TNS1: variants seen among roughly 807,000 people sequenced by gnomAD.
The protein encoded by TNS1 is tensin-1.
In TNS1, 62 loss-of-function variants were observed where a neutral mutation model predicts 168.6. That is an observed-to-expected ratio of 0.37 (90% CI 0.30 to 0.45). TNS1 has a LOEUF of 0.45. Among genes scored for constraint, TNS1 ranks in the 20% least tolerant of loss-of-function variants. TNS1 has a pLI of 1.00. For missense variants in TNS1, 2,240 were observed against 2,339.4 expected, an observed-to-expected ratio of 0.96 and a Z score of 0.88; for synonymous variants, 934 against 933.2, an observed-to-expected ratio of 1.00 and a Z score of -0.02.
rs1203848103 is a variant in TNS1, at chr2:217,800,558, C to T, written c.*3901G>A. The T allele has an allele frequency of 1.3e-5, 2 of 152,364 alleles. No homozygotes were observed. The highest frequency in any genetic ancestry group is 2.4e-5 in the African/African-American group (1 of 41,466). 9.4% of individuals were successfully genotyped at this position (152,364 alleles called of 1,614,324 possible). On this transcript the variant is annotated 3_prime_UTR_variant, in exon 33 of 33. Coordinates refer to ENST00000682258, the MANE Select transcript of TNS1 (RefSeq NM_001387777.1). ...ACACACGCACACACATACATCCACA[C>T]TTGCACATGCGCACACACGTCCTGT...
chr2:217,844,445 C>T (rs1009646442), intron 19 of TNS1, among the ~76,000 whole-genome samples: 1 of 152,152 alleles, frequency 6.6e-6, no homozygotes, highest in African/African-American at 2.4e-5. Context: ...CATCCAGAGA[C>T]AGACCCCAGG....
At chr2:218,015,501 C>T (rs1405322633) in intron 1 of TNS1, among the ~76,000 whole-genome samples, 1 of 152,178 alleles carries the variant, frequency 6.6e-6, no homozygotes, top group South Asian at 2.1e-4. Flanking sequence ...TGATACCTAA[C>T]CTCCATCCCC....
intron 2 of TNS1, among the ~76,000 whole-genome samples, chr2:217,982,817 A>T (rs937086904): frequency 1.3e-5 from 2 of 152,218 alleles, no homozygotes; most frequent in African/African-American, 4.8e-5. Flanking sequence ...GATGCTGGGA[A>T]CCAAGGCCAG....
intron 3 of TNS1, among the ~76,000 whole-genome samples, chr2:217,967,851 A>G (rs1957686023): frequency 6.6e-6 from 1 of 152,238 alleles, no homozygotes; most frequent in South Asian, 2.1e-4. Context: ...AAGGAAAAAG[A>G]AAACTACCGT....
At chr2:217,891,874 CA>C (rs1951778330) in intron 11 of TNS1, among the ~76,000 whole-genome samples, 1 of 152,234 alleles carries the variant, frequency 6.6e-6, no homozygotes, top group Non-Finnish European at 1.5e-5. Flanking sequence ...CCTGGTCACT[CA>C]GGTCTCTGTT....
chr2:217,929,544 G>A (rs545377474), intron 3 of TNS1, among the ~76,000 whole-genome samples: 22 of 152,226 alleles, frequency 1.4e-4, no homozygotes, highest in African/African-American at 5.3e-4. Flanking sequence ...ACCAGCAGGG[G>A]TCAGAGGGCA....
Position 217,818,300 on chromosome 2 carries a change from G to A in TNS1, c.4032C>T (p.Thr1344=). ...GCCGACACAGGCTGGGGCTCCCCGG[G>A]GTGGTCGCTGCACTGCTCTGGGGGC... is the stretch of plus-strand genomic sequence containing the variant. The part of the protein sequence containing the change: ...VSSPQSSAAT[T]PGSPSLCRHP... The change falls in exon 24 of 33, where the codon ACC becomes ACT. Residue 1344 remains threonine, a synonymous_variant. Transcript: ENST00000682258. The A allele has an allele frequency of 6.2e-7, 1 of 1,613,640 alleles. No homozygotes were observed. The highest frequency in any genetic ancestry group is 8.5e-7 in the Non-Finnish European group (1 of 1,179,800).
At chr2:217,927,367 GTCTT>G (rs1956087647) in intron 3 of TNS1, among the ~76,000 whole-genome samples, 1 of 152,154 alleles carries the variant, frequency 6.6e-6, no homozygotes, top group Non-Finnish European at 1.5e-5. Context: ...TGGCACAACG[GTCTT>G]TCTAGGCTTG....
Position 217,813,200 on chromosome 2 carries a change from A to C in TNS1, c.4954+15T>G, listed in dbSNP as rs1559149137. The C allele has an allele frequency of 1.3e-6, 2 of 1,589,006 alleles. No individual in the cohort carries two copies. The highest frequency in any genetic ancestry group is 2.7e-5 in the African/African-American group (2 of 74,492). On this transcript the variant is annotated intron_variant, in intron 27 of 32. Transcript: ENST00000682258. The surrounding 1 kb of genome is among the most constrained non-coding windows in gnomAD (Gnocchi z 4.0). ...CAGGCCAGACTGTAGAGATGGGGGC[A>C]GGGGGACAGCTCACCGAAGTTTGGC...
At chr2:217,916,670 T>C (rs1448580596) in intron 4 of TNS1, among the ~76,000 whole-genome samples, 2 of 152,066 alleles carry the variant, frequency 1.3e-5, no homozygotes, top group Non-Finnish European at 2.9e-5. Context: ...TTGAGTAAGA[T>C]GAAAACATGG....
At chr2:217,913,123 G>C (rs984981119) in intron 4 of TNS1, among the ~76,000 whole-genome samples, 1 of 152,204 alleles carries the variant, frequency 6.6e-6, no homozygotes, top group Admixed American at 6.5e-5. Context: ...TGAGCAGATG[G>C]GGCTGGCAGA....
At chr2:217,919,849 G>C (rs369570900) in intron 4 of TNS1, among the ~76,000 whole-genome samples, 1 of 152,218 alleles carries the variant, frequency 6.6e-6, no homozygotes, top group Non-Finnish European at 1.5e-5. Flanking sequence ...TGCCTGACCC[G>C]GGACCAGGCA....
chr2:217,974,314 CTG>C (rs770839101), intron 3 of TNS1, among the ~76,000 whole-genome samples: 4 of 152,222 alleles, frequency 2.6e-5, no homozygotes, highest in Admixed American at 1.3e-4. Context: ...GCAGCACCCT[CTG>C]TGTCAGAAGA....
chr2:218,007,595 T>C (rs1268623450), upstream of TNS1, among the ~76,000 whole-genome samples: 2 of 150,850 alleles, frequency 1.3e-5, no homozygotes, highest in Non-Finnish European at 3.0e-5. Context: ...AGGTCTTGCT[T>C]GGCAGGAGAG....
rs187953303 is a variant in TNS1, at chr2:217,976,655, C to T, written c.186+2110G>A. On this transcript the variant is annotated intron_variant, in intron 3 of 32. Transcript: ENST00000682258. ...GAGAGACTCCTCAGGTAGGCTATGCCCCCAAAAAGTCATCTTTGCCATTTG... is the reference window on the plus strand; with the variant it reads ...GAGAGACTCCTCAGGTAGGCTATGCTCCCAAAAAGTCATCTTTGCCATTTG... Among the ~76,000 whole-genome samples the T allele has an allele frequency of 2.0e-5, 3 of 152,312 alleles. No individual in the cohort carries two copies. In the East Asian group the frequency reaches 5.8e-4, roughly 29 times the overall value.
intron 4 of TNS1, among the ~76,000 whole-genome samples, chr2:217,917,139 T>C (rs1388683193): frequency 1.3e-5 from 2 of 152,090 alleles, no homozygotes. Flanking sequence ...GTAGCAGAGC[T>C]TCCAGCTGAA....
chr2:217,945,879 A>G (rs888505999), intron 3 of TNS1, among the ~76,000 whole-genome samples: 1 of 152,022 alleles, frequency 6.6e-6, no homozygotes, highest in Non-Finnish European at 1.5e-5. Flanking sequence ...AAGTTAGGGG[A>G]TCCCGGGTCA....
In TNS1 at chr2:217,882,350, A is replaced by C. The variant is rs11680854; in HGVS notation, c.1308T>G (p.Ile436Met). ...EFVFSYGPEK[I>M]QGMEHLENGP... is the part of the protein sequence containing the mutation. ...GAATTCTAACTCGGCTTATACCTTGAATTTTCTCTGGCCCATAAGAAAATA... is the reference window on the plus strand; with the variant it reads ...GAATTCTAACTCGGCTTATACCTTGCATTTTCTCTGGCCCATAAGAAAATA... The change falls in exon 17 of 33, where the codon ATT (isoleucine) becomes ATG (methionine). Residue 436 changes from isoleucine (I) to methionine (M), a missense_variant. By Grantham distance (10) the Ile-to-Met change is conservative. This residue lies in a region of TNS1 where 2,131 missense variants were observed against 2,171.2 expected (regional missense o/e 0.98). Transcript: ENST00000682258. 0.017 allele frequency: 26,717 copies of C among 1,601,024 alleles called. 264 individuals are homozygous for C. The highest frequency in any genetic ancestry group is 0.024 in the Admixed American group (1,411 of 57,982).
chr2:217,841,751 C>G (rs1318539618), intron 19 of TNS1, among the ~76,000 whole-genome samples: 1 of 152,126 alleles, frequency 6.6e-6, no homozygotes, highest in African/African-American at 2.4e-5. Flanking sequence ...CTCCCTGGAC[C>G]CAGGTAACAC....
Sources: gnomAD v4.1 joint callset for allele counts (sites outside exome capture counted in the v4.1 genomes callset) on GRCh38, gnomAD v4.1.1 for gene constraint, gnomAD v4.1.1 regional missense constraint, Gnocchi (gnomAD v3.1) non-coding constraint, MANE v1.5 for transcripts, NCBI Gene and HGNC (gene_info 2026-07-23, HGNC 2026-07-21) for gene names.